Variants in DIS3L observed in about 807,000 individuals in gnomAD.
DIS3L encodes the protein DIS3 like exosome 3'-5' exoribonuclease, also known as DIS3-like exonuclease 1.
DIS3L carries 100 observed loss-of-function variants against 120.3 expected under a neutral mutation model. That is an observed-to-expected ratio of 0.83 (90% CI 0.71 to 0.98). The LOEUF (loss-of-function observed/expected upper bound fraction) is 0.98. Ranked by LOEUF, DIS3L falls within the 50% of genes least tolerant of loss-of-function variation. The pLI, the probability that DIS3L is intolerant of heterozygous loss-of-function variation, is 0.00. For synonymous variants in DIS3L, 426 were observed against 470.6 expected (o/e 0.91, Z 1.23); for missense variants, 1,196 against 1,314.2 (o/e 0.91, Z 1.39).
At position 66,318,626 on chromosome 15, in the gene DIS3L, G is replaced by A; in HGVS notation, c.1164+8G>A. On this transcript the variant is annotated splice_region_variant and intron_variant, in intron 8 of 16. Transcript: ENST00000319212. ...CAAGCAGAAACCCTCCAGGTAGTTG[G>A]CATTCTACCTCTACTATGGGATCTC... is the stretch of plus-strand genomic sequence containing the variant. 6.2e-7 allele frequency: 1 copy of A among 1,613,282 alleles called. No individual in the cohort carries two copies. Among genetic ancestry groups the A allele is most frequent in the Non-Finnish European group, 8.5e-7 (1 of 1,179,614 alleles).
chr15:66,313,355 G>A (rs1423032901), intron 5 of DIS3L, among the ~76,000 whole-genome samples: 3 of 152,178 alleles, frequency 2.0e-5, no homozygotes, highest in South Asian at 2.1e-4. Context: ...ACATAAGATA[G>A]AGCCTGGTAC....
At chr15:66,305,899 C>A (rs2092698406) in intron 2 of DIS3L, among the ~76,000 whole-genome samples, 1 of 152,170 alleles carries the variant, frequency 6.6e-6, no homozygotes, top group Non-Finnish European at 1.5e-5. Context: ...TTTATAGTAT[C>A]TAGACTATTG....
chr15:66,317,046 C>A (rs1350393146), intron 7 of DIS3L, among the ~76,000 whole-genome samples: 1 of 152,142 alleles, frequency 6.6e-6, no homozygotes, highest in Non-Finnish European at 1.5e-5. Context: ...CCCCAAATAT[C>A]CTCACATCTG....
chr15:66,303,669 A>G (rs1203360558), intron 2 of DIS3L, among the ~76,000 whole-genome samples: 2 of 152,234 alleles, frequency 1.3e-5, no homozygotes, highest in Non-Finnish European at 2.9e-5. Context: ...CTCTGAAATA[A>G]CAAATTGCAG....
rs1164304701 is a variant in DIS3L at position 66,329,205 on chromosome 15, T to A, written c.2357-16T>A. ...ATAGTTTTTGTTTATTTTGATCTTT[T>A]GCTTTCTTTTTGAAGGTCTTGCATT... On this transcript the variant is annotated splice_polypyrimidine_tract_variant and intron_variant, in intron 13 of 16. Coordinates refer to ENST00000319212, the MANE Select transcript of DIS3L (RefSeq NM_001143688.3). The A allele has an allele frequency of 5.7e-6, 9 of 1,587,566 alleles. No individual in the cohort carries two copies. Among genetic ancestry groups the A allele is most frequent in the Non-Finnish European group, 7.7e-6 (9 of 1,168,594 alleles).
chr15:66,305,062 C>A (rs1421921918), intron 2 of DIS3L, among the ~76,000 whole-genome samples: 1 of 139,176 alleles, frequency 7.2e-6, no homozygotes, highest in East Asian at 2.1e-4. Context: ...GTGCAGTGGC[C>A]TGATCTCGGC....
At chr15:66,325,348 C>T (rs1054361941) in intron 11 of DIS3L, among the ~76,000 whole-genome samples, 3 of 152,040 alleles carry the variant, frequency 2.0e-5, no homozygotes, top group Non-Finnish European at 2.9e-5. Flanking sequence ...GAGCCGAGAT[C>T]GCACCACTGC....
At chr15:66,324,809 C>T (rs989238844) in intron 11 of DIS3L, among the ~76,000 whole-genome samples, 3 of 152,090 alleles carry the variant, frequency 2.0e-5, no homozygotes, top group Non-Finnish European at 4.4e-5. Context: ...CTATATTCTT[C>T]GCCCATTTTT....
intron 8 of DIS3L, among the ~76,000 whole-genome samples, chr15:66,320,254 A>G (rs1208029116): frequency 1.2e-4 from 18 of 152,172 alleles, no homozygotes; most frequent in Non-Finnish European, 2.6e-4. Flanking sequence ...TAGTGTTGCA[A>G]GCGTTAACTA....
intron 7 of DIS3L, among the ~76,000 whole-genome samples, chr15:66,315,432 C>G (rs2092807813): frequency 6.6e-6 from 1 of 152,136 alleles, no homozygotes. Context: ...GAATGCTAGA[C>G]TGAGCTAATT....
At chr15:66,326,449 C>G (rs753404565) in intron 12 of DIS3L, 85 bp downstream of exon 12, 6 of 1,411,334 alleles carry the variant, frequency 4.3e-6, no homozygotes, top group Admixed American at 2.5e-5. Context: ...ATGTGACAGC[C>G]AGATCTTTGA....
chr15:66,318,020 G>C (rs1230997939), intron 7 of DIS3L, among the ~76,000 whole-genome samples: 1 of 152,152 alleles, frequency 6.6e-6, no homozygotes. Context: ...TGTTGCCCAG[G>C]CTGGAGTGTA....
At chr15:66,316,475 C>G (rs963810878) in intron 7 of DIS3L, among the ~76,000 whole-genome samples, 7 of 152,142 alleles carry the variant, frequency 4.6e-5, no homozygotes, top group African/African-American at 1.7e-4. Flanking sequence ...CACCCTTGCC[C>G]CTCCCCATGT....
intron 6 of DIS3L, 69 bp from the exon 7 acceptor site, chr15:66,314,967 C>T (rs939037041): frequency 3.5e-5 from 53 of 1,503,464 alleles, no homozygotes; most frequent in African/African-American, 2.5e-4. Flanking sequence ...GTATATCATG[C>T]GCGGAATGCC....
chr15:66,330,665 G>T (rs1321022654), intron 14 of DIS3L: 4 of 352,080 alleles, frequency 1.1e-5, no homozygotes, highest in Non-Finnish European at 1.6e-5. Context: ...GTGGCCACTT[G>T]TGGTTAGTGG....
chr15:66,326,997 T>G (rs1207559284), intron 12 of DIS3L, among the ~76,000 whole-genome samples: 1 of 151,830 alleles, frequency 6.6e-6, no homozygotes, highest in African/African-American at 2.4e-5. Flanking sequence ...TGGCACAATC[T>G]TGGCTCACTG....
chr15:66,294,119 G>A (rs968255146), intron 1 of DIS3L: 3 of 985,574 alleles, frequency 3.0e-6, no homozygotes, highest in Non-Finnish European at 3.6e-6. Flanking sequence ...GCCCCCGGGA[G>A]CTACAGGCCA....
chr15:66,331,714 T>C (rs1252456304), intron 14 of DIS3L, 161 bp from the exon 15 acceptor site: 3 of 689,380 alleles, frequency 4.4e-6, no homozygotes, highest in Admixed American at 6.7e-5. Flanking sequence ...GAGATAATAC[T>C]AGATGGTTAA....
chr15:66,305,799 G>A (rs780833466), intron 2 of DIS3L, among the ~76,000 whole-genome samples: 48 of 152,230 alleles, frequency 3.2e-4, no homozygotes, highest in Admixed American at 9.2e-4. Context: ...CCAAAGTGCT[G>A]AGATTACAGG....
Sources: gnomAD v4.1 joint callset for allele counts (sites outside exome capture counted in the v4.1 genomes callset) on GRCh38, gnomAD v4.1.1 for gene constraint, MANE v1.5 for transcripts, NCBI Gene and HGNC (gene_info 2026-07-23, HGNC 2026-07-21) for gene names.